KDM4B: variants seen among roughly 807,000 people sequenced by gnomAD.
KDM4B encodes lysine demethylase 4B.
KDM4B carries 32 observed loss-of-function variants against 125.2 expected under a neutral mutation model. That is an observed-to-expected ratio of 0.26 (90% CI 0.19 to 0.34). KDM4B has a LOEUF of 0.34. Ranked by LOEUF, KDM4B falls within the 10% of genes least tolerant of loss-of-function variation. The pLI, the probability that KDM4B is intolerant of heterozygous loss-of-function variation, is 1.00. For synonymous variants in KDM4B, 721 were observed against 677.9 expected (o/e 1.06, Z -0.99); for missense variants, 1,190 against 1,577.7 (o/e 0.75, Z 4.16).
intron 21 of KDM4B, among the ~76,000 whole-genome samples, chr19:5,145,828 G>A (rs966064032): frequency 2.0e-5 from 3 of 152,126 alleles, no homozygotes; most frequent in Admixed American, 6.5e-5. Flanking sequence ...CGGGTCAGTC[G>A]GTGACGTCCT....
rs574444894 is a variant in KDM4B at position 5,141,508 on chromosome 19, C to G, written c.2551-2459C>G. 6.6e-6 allele frequency: 1 copy of G among 152,218 alleles called. No individual in the cohort carries two copies. The highest frequency in any genetic ancestry group is 1.5e-5 in the Non-Finnish European group (1 of 68,054). 9.4% of individuals were successfully genotyped at this position (152,218 alleles called of 1,614,324 possible). The stretch of plus-strand genomic sequence containing the variant: ...ATTAAAAATCCTTTTACACGAGGCC[C>G]GCTTGTACTGCTTAATGGGGCTTTG... On this transcript the variant is annotated intron_variant, in intron 18 of 22. Coordinates refer to ENST00000159111, the MANE Select transcript of KDM4B (RefSeq NM_015015.3). This position sits in a 1 kb window ranked among gnomAD's most constrained non-coding sequence, Gnocchi z 6.4.
chr19:5,020,891 C>T (rs2036096163), intron 2 of KDM4B, among the ~76,000 whole-genome samples: 1 of 152,054 alleles, frequency 6.6e-6, no homozygotes, highest in Admixed American at 6.6e-5. Context: ...TCACGCCTGT[C>T]ATACCAGCAC....
At chr19:5,058,280 A>G (rs2145759989) in intron 6 of KDM4B, among the ~76,000 whole-genome samples, 1 of 152,342 alleles carries the variant, frequency 6.6e-6, no homozygotes, top group Admixed American at 6.5e-5. Context: ...GAGCTGCGTC[A>G]GGAGCAGAAG....
rs1184890416 is a variant in KDM4B, at chr19:5,083,488, G to A, written c.918+984G>A. Among the ~76,000 whole-genome samples, 4 of 152,316 alleles carry A rather than the reference G, an allele frequency of 2.6e-5. No individual in the cohort carries two copies. In the South Asian group the frequency reaches 6.2e-4, roughly 24 times the overall value. On this transcript the variant is annotated intron_variant, in intron 9 of 22. Transcript: ENST00000159111. ...AGGTCTAGCCCTTTCCTGGCTGCCT[G>A]TCTGGAGCTGGGGGCTGGGGAGCCT...
chr19:5,006,259 C>T (rs1217556759), intron 1 of KDM4B, among the ~76,000 whole-genome samples: 1 of 152,050 alleles, frequency 6.6e-6, no homozygotes, highest in Non-Finnish European at 1.5e-5. Flanking sequence ...AGTGTGCACC[C>T]CATCCTCAGA....
chr19:5,063,898 G>A (rs1016560354), intron 6 of KDM4B, among the ~76,000 whole-genome samples: 1 of 152,214 alleles, frequency 6.6e-6, no homozygotes, highest in Non-Finnish European at 1.5e-5. Flanking sequence ...ACCCTGGCCC[G>A]GCTCGTCTTT....
At chr19:5,138,315 C>G in intron 18 of KDM4B, 1 of 535,854 alleles carries the variant, frequency 1.9e-6, no homozygotes, top group Non-Finnish European at 3.4e-6. Context: ...AAGCAGGCCC[C>G]GTCAGGTGTG....
chr19:5,129,111 G>C (rs866626021), intron 11 of KDM4B, among the ~76,000 whole-genome samples: 1 of 152,176 alleles, frequency 6.6e-6, no homozygotes, highest in African/African-American at 2.4e-5. Context: ...ACAGGTGGGC[G>C]TGTGCCTGCC....
At chr19:5,119,462 G>A (rs950887263) in intron 10 of KDM4B, among the ~76,000 whole-genome samples, 191 bp from the exon 11 acceptor site, 6 of 152,104 alleles carry the variant, frequency 3.9e-5, no homozygotes, top group African/African-American at 7.2e-5. Context: ...CTCCCAACAC[G>A]GCTCCTGCCC....
At chr19:5,036,900 A>T (rs2036644335) in intron 3 of KDM4B, among the ~76,000 whole-genome samples, 3 of 152,132 alleles carry the variant, frequency 2.0e-5, no homozygotes, top group Admixed American at 2.0e-4. Context: ...GCCCTCGTTC[A>T]CGCTGCCTGT....
At chr19:5,044,758 C>G (rs2036970770) in intron 5 of KDM4B, among the ~76,000 whole-genome samples, 2 of 152,140 alleles carry the variant, frequency 1.3e-5, no homozygotes, top group Non-Finnish European at 2.9e-5. Flanking sequence ...CTCCCTCTCC[C>G]CCATCCCTCT....
At chr19:4,980,273 C>T (rs2034590448) in intron 1 of KDM4B, among the ~76,000 whole-genome samples, 1 of 152,040 alleles carries the variant, frequency 6.6e-6, no homozygotes. Flanking sequence ...ACATCTCTTT[C>T]CTGTCTCTGG....
intron 21 of KDM4B, among the ~76,000 whole-genome samples, chr19:5,145,397 A>G (rs1003430589): frequency 1.3e-5 from 2 of 152,086 alleles, no homozygotes; most frequent in Admixed American, 6.5e-5. Flanking sequence ...CCTGGCCAAC[A>G]TGGTGAAACC....
At chr19:4,969,317 G>T (rs1196596340) in intron 1 of KDM4B, 87 bp downstream of exon 1, 2 of 146,308 alleles carry the variant, frequency 1.4e-5, no homozygotes, top group African/African-American at 2.5e-5. Flanking sequence ...GGGGCTGCGG[G>T]CGCGCCCGGG....
At chr19:5,122,660 G>A (rs927265103) in intron 11 of KDM4B, among the ~76,000 whole-genome samples, 6 of 152,344 alleles carry the variant, frequency 3.9e-5, no homozygotes, top group African/African-American at 1.2e-4. Flanking sequence ...AAGCCGATAA[G>A]TAGGGAAGAC....
Position 5,135,374 on chromosome 19 carries a change from C to T in KDM4B, c.2121C>T (p.Ser707=), listed in dbSNP as rs866034475. 3 of 1,613,476 alleles carry T rather than the reference C, an allele frequency of 1.9e-6. No individual in the cohort carries two copies. The highest frequency in any genetic ancestry group is 1.1e-5 in the South Asian group (1 of 91,090). ...LQTEKEAPIA[S]LGEGCPATLP... ...CTGAGAAGGAGGCACCCATAGCCTC[C>T]CTCGGAGAGGGCTGCCCGGCCACAT... is the stretch of plus-strand genomic sequence containing the variant. Residue 707 remains serine, a synonymous_variant, in exon 15 of 23, where the codon TCC becomes TCT. Transcript: ENST00000159111.
At chr19:5,116,058 T>G (rs988905094) in intron 10 of KDM4B, among the ~76,000 whole-genome samples, 1 of 151,832 alleles carries the variant, frequency 6.6e-6, no homozygotes, top group Non-Finnish European at 1.5e-5. Flanking sequence ...ATTCCTGGAT[T>G]AAACAAAGGC....
rs1364795037 is a variant in KDM4B at position 5,082,068 on chromosome 19, G to A, written c.781-299G>A. 6.6e-6 allele frequency among the ~76,000 whole-genome samples: 1 copy of A among 152,208 alleles called. No homozygotes were observed. The highest frequency in any genetic ancestry group is 1.5e-5 in the Non-Finnish European group (1 of 68,038). On this transcript the variant is annotated intron_variant, in intron 8 of 22. Coordinates refer to ENST00000159111, the MANE Select transcript of KDM4B (RefSeq NM_015015.3). The surrounding 1 kb of genome is among the most constrained non-coding windows in gnomAD (Gnocchi z 5.4). ...CGGCTCCATCTGCGGTTCTCCCACT[G>A]GGGTGATGCTGACGGCCGCCTTGGG...
intron 15 of KDM4B, among the ~76,000 whole-genome samples, chr19:5,136,539 GC>G (rs1414226553): frequency 1.3e-5 from 2 of 152,106 alleles, no homozygotes; most frequent in Non-Finnish European, 2.9e-5. Flanking sequence ...TTTGAGATGT[GC>G]CCCCGGGGCA....
Sources: allele counts gnomAD v4.1 joint callset (sites outside exome capture counted in the v4.1 genomes callset), GRCh38; gene constraint gnomAD v4.1.1; non-coding constraint Gnocchi (gnomAD v3.1); transcripts MANE v1.5; gene names NCBI Gene and HGNC (gene_info 2026-07-23, HGNC 2026-07-21).